RLIG1: variants seen among roughly 807,000 people sequenced by gnomAD.
RLIG1 encodes the protein RNA 5'-phosphate and 3'-OH ligase 1, also known as RNA ligase 1.
the RLIG1 span, among the ~76,000 whole-genome samples, chr12:88,047,851 C>T: frequency 2.6e-5 from 4 of 152,100 alleles, no homozygotes; most frequent in Admixed American, 2.6e-4. Context: ...GCAAAAAACT[C>T]CATTCTATCA....
the RLIG1 span, chr12:88,049,013 TAA>T: frequency 2.4e-6 from 1 of 422,758 alleles, no homozygotes; most frequent in Non-Finnish European, 4.2e-6. Flanking sequence ...TATACTTTTA[TAA>T]TAAGTTGAAA....
chr12:88,035,547 G>A, the RLIG1 span: 8,384 of 1,251,822 alleles, frequency 6.7e-3, 709 homozygotes, highest in East Asian at 0.18. Context: ...CGGAGTGTGC[G>A]TGGCCTGAGC....
At chr12:88,042,904 A>T in the RLIG1 span, 1 of 1,567,284 alleles carries the variant, frequency 6.4e-7, no homozygotes, top group Non-Finnish European at 8.6e-7. Context: ...TTCTACATTC[A>T]AAAGAAAACC....
At chr12:88,040,439 G>C in the RLIG1 span, among the ~76,000 whole-genome samples, 1 of 152,102 alleles carries the variant, frequency 6.6e-6, no homozygotes, top group Admixed American at 6.6e-5. Flanking sequence ...TTTTCTTCCT[G>C]GTGGAAAAAA....
At chr12:88,049,642 T>C in the RLIG1 span, 1 of 362,468 alleles carries the variant, frequency 2.8e-6, no homozygotes, top group Non-Finnish European at 4.9e-6. Context: ...GTTCTAGTCT[T>C]TGACTAAAAT....
chr12:88,036,303 G>A, the RLIG1 span, among the ~76,000 whole-genome samples: 2 of 152,072 alleles, frequency 1.3e-5, no homozygotes, highest in African/African-American at 4.8e-5. Flanking sequence ...GTGTGCCCTC[G>A]GTAAATGCTA....
chr12:88,040,324 A>C, the RLIG1 span: 1 of 1,026,296 alleles, frequency 9.7e-7, no homozygotes, highest in Non-Finnish European at 1.4e-6. Flanking sequence ...ATCACTTTAC[A>C]GTCTATCTGA....
the RLIG1 span, chr12:88,048,465 T>C: frequency 3.2e-6 from 3 of 948,506 alleles, no homozygotes; most frequent in South Asian, 2.1e-5. Flanking sequence ...TAATCTTGAA[T>C]ATTCTACCAT....
the RLIG1 span, among the ~76,000 whole-genome samples, chr12:88,037,847 CT>C: frequency 6.6e-6 from 1 of 152,122 alleles, no homozygotes; most frequent in Non-Finnish European, 1.5e-5. Flanking sequence ...TGGCATAAGT[CT>C]TTTTCAGAAA....
At chr12:88,045,619 C>T in the RLIG1 span, 7 of 1,612,514 alleles carry the variant, frequency 4.3e-6, no homozygotes, top group Non-Finnish European at 4.2e-6. Flanking sequence ...AACAGTATTG[C>T]TGGCATTCCT....
the RLIG1 span, among the ~76,000 whole-genome samples, chr12:88,046,177 A>G: frequency 6.6e-6 from 1 of 152,172 alleles, no homozygotes; most frequent in African/African-American, 2.4e-5. Context: ...AAGTATCAAA[A>G]TATATATCAT....
chr12:88,043,550 G>A, the RLIG1 span: 15 of 1,270,136 alleles, frequency 1.2e-5, no homozygotes, highest in Middle Eastern at 2.0e-4. Flanking sequence ...AGTATTTTAC[G>A]TTTTTTAAGT....
the RLIG1 span, chr12:88,043,681 G>A: frequency 1.9e-6 from 3 of 1,612,822 alleles, no homozygotes; most frequent in Non-Finnish European, 8.5e-7. Context: ...AAATAAATGG[G>A]AACCCAGTGC....
At chr12:88,041,658 A>C in the RLIG1 span, 20 of 152,148 alleles carry the variant, frequency 1.3e-4, no homozygotes, top group Non-Finnish European at 2.8e-4. Context: ...AATAAATTGC[A>C]TTTTTTATGT....
the RLIG1 span, chr12:88,035,749 G>T: frequency 6.3e-7 from 1 of 1,584,322 alleles, no homozygotes; most frequent in Admixed American, 1.8e-5. Context: ...GTACGGAGGA[G>T]CGCCGGGCAG....
chr12:88,046,604 G>A, the RLIG1 span, among the ~76,000 whole-genome samples: 1 of 152,272 alleles, frequency 6.6e-6, no homozygotes, highest in South Asian at 2.1e-4. Context: ...TTGCTGAACC[G>A]TGGTGGAGAG....
the RLIG1 span, chr12:88,048,279 TA>T: frequency 6.3e-7 from 1 of 1,598,566 alleles, no homozygotes; most frequent in African/African-American, 1.3e-5. Context: ...TCCAGATACT[TA>T]CATGAATTCA....
At chr12:88,045,500 A>T in the RLIG1 span, 1 of 1,016,372 alleles carries the variant, frequency 9.8e-7, no homozygotes, top group Non-Finnish European at 1.4e-6. Flanking sequence ...TGAGAAATTT[A>T]CAACAAAAAT....
the RLIG1 span, chr12:88,043,455 T>C: frequency 1.7e-6 from 1 of 587,692 alleles, no homozygotes; most frequent in Non-Finnish European, 3.0e-6. Flanking sequence ...AGTACAGTCA[T>C]GTTGTGGTGA....
Sources: gnomAD v4.1 joint callset for allele counts (sites outside exome capture counted in the v4.1 genomes callset) on GRCh38, gnomAD v4.1.1 for gene constraint, MANE v1.5 for transcripts, NCBI Gene and HGNC (gene_info 2026-07-23, HGNC 2026-07-21) for gene names.